Variants in DNAH1 observed in about 807,000 individuals in gnomAD.
The protein encoded by DNAH1 is axonemal beta dynein heavy chain 1.
DNAH1 carries 327 observed loss-of-function variants against 484.3 expected under a neutral mutation model. The observed-to-expected ratio is 0.68, with a 90% CI of 0.62 to 0.74. DNAH1 has a LOEUF of 0.74. Among genes scored for constraint, DNAH1 ranks in the 30% least tolerant of loss-of-function variants. DNAH1 has a pLI of 0.00. For missense variants in DNAH1, 5,052 were observed against 5,546.8 expected (o/e 0.91, Z 2.83); for synonymous variants, 2,192 against 2,191.9 (o/e 1.00, Z 0.00).
In DNAH1 at chr3:52,381,625, C is replaced by T. The variant is rs762591041; in HGVS notation, c.7609-15C>T. ...AGAGAGACCCCGCCTTCCCCATCCT[C>T]GCCTTGGTGCACAGATGATGCAGGT... On this transcript the variant is annotated splice_polypyrimidine_tract_variant and intron_variant, in intron 48 of 77. Coordinates refer to ENST00000420323, the MANE Select transcript of DNAH1 (RefSeq NM_015512.5). This position sits in a 1 kb window ranked among gnomAD's most constrained non-coding sequence, Gnocchi z 4.1. The T allele has an allele frequency of 2.4e-5, 38 of 1,587,890 alleles. No individual in the cohort carries two copies. In the East Asian group the frequency reaches 5.3e-4, roughly 22 times the overall value.
At chr3:52,341,825 G>A (rs1468834174) in intron 8 of DNAH1, among the ~76,000 whole-genome samples, 1 of 152,144 alleles carries the variant, frequency 6.6e-6, no homozygotes, top group Admixed American at 6.5e-5. Flanking sequence ...AGAAGGGAGG[G>A]AGTGGATGTC....
At chr3:52,348,268 C>T (rs1196217641) in intron 12 of DNAH1, among the ~76,000 whole-genome samples, 2 of 152,192 alleles carry the variant, frequency 1.3e-5, no homozygotes, top group Non-Finnish European at 2.9e-5. Context: ...AATAGTTAGC[C>T]TAAGATTGCA....
Position 52,379,885 on chromosome 3 carries a change from C to G in DNAH1, c.7378-20C>G. ...GGGCTTGGGGGCCAAGGACAGGCAC[C>G]GATGCTGGGGCTACTGCAGGACCAA... is the stretch of plus-strand genomic sequence containing the variant. On this transcript the variant is annotated intron_variant, in intron 47 of 77. Coordinates refer to ENST00000420323, the MANE Select transcript of DNAH1 (RefSeq NM_015512.5). This position sits in a 1 kb window ranked among gnomAD's most constrained non-coding sequence, Gnocchi z 4.4. 6.5e-7 allele frequency: 1 copy of G among 1,545,536 alleles called. No individual in the cohort carries two copies.
intron 39 of DNAH1, 24 bp downstream of exon 39, chr3:52,370,253 GA>G: frequency 6.2e-7 from 1 of 1,610,080 alleles, no homozygotes; most frequent in Non-Finnish European, 8.5e-7. Context: ...AGTGGGGCTA[GA>G]TGCACCTGGT....
At chr3:52,332,014 G>T in intron 7 of DNAH1, 128 bp from the exon 8 acceptor site, 5 of 1,211,614 alleles carry the variant, frequency 4.1e-6, no homozygotes, top group Non-Finnish European at 5.7e-6. Flanking sequence ...AGATGCAACA[G>T]GGGGTCAGAA....
chr3:52,331,604 T>G (rs1426243239), intron 7 of DNAH1, among the ~76,000 whole-genome samples: 2 of 150,822 alleles, frequency 1.3e-5, no homozygotes, highest in Non-Finnish European at 1.5e-5. Context: ...TATAACTCCT[T>G]GTCTAAATAC....
chr3:52,388,485 G>A lies in DNAH1; in HGVS notation c.9239G>A (p.Arg3080His), dbSNP rs1179586168. Residue 3080 changes from arginine (R) to histidine (H), a missense_variant, in exon 58 of 78, where the codon CGC becomes CAC. Transcript: ENST00000420323. ...AGGATCCTGGATGAGGCAAAACAGC[G>A]CCTTCGTGAGGTGGAGGACGGCATC... ...TQRILDEAKQ[R>H]LREVEDGIAT... 15 of 1,612,528 alleles carry A rather than the reference G, an allele frequency of 9.3e-6. No homozygotes were observed. The highest frequency in any genetic ancestry group is 1.6e-4 in the Middle Eastern group (1 of 6,082).
At chr3:52,388,077 G>T (rs1704186528) in intron 56 of DNAH1, 90 bp from the exon 57 acceptor site, 2 of 1,494,704 alleles carry the variant, frequency 1.3e-6, no homozygotes, top group East Asian at 2.5e-5. Flanking sequence ...AAAAGCCAGG[G>T]TGTCCCTCAG....
chr3:52,369,681 T>G, intron 37 of DNAH1, 144 bp from the exon 38 acceptor site: 1 of 851,344 alleles, frequency 1.2e-6, no homozygotes, highest in South Asian at 1.8e-5. Flanking sequence ...GCGGTTCCTG[T>G]CCCACCCAGC....
In DNAH1 at chr3:52,357,721, G is replaced by T. The variant is rs1348593847; in HGVS notation, c.3966G>T (p.Arg1322Ser). ...TCAGCGAGTATCTGGAGACCAAGAG[G>T]AGCGCCTTCCCCAGGTGGGCGCCAC... is the stretch of plus-strand genomic sequence containing the variant. ...KGLSEYLETK[R>S]SAFPRFYFLS... is the part of the protein sequence containing the mutation. Residue 1322 changes from arginine (R) to serine (S), a missense_variant, in exon 23 of 78, where the codon AGG becomes AGT. Coordinates refer to ENST00000420323, the MANE Select transcript of DNAH1 (RefSeq NM_015512.5). 4.4e-6 allele frequency: 7 copies of T among 1,579,636 alleles called. No homozygotes were observed. Among genetic ancestry groups the T allele is most frequent in the Non-Finnish European group, 6.0e-6 (7 of 1,162,408 alleles).
chr3:52,332,388 G>A lies in DNAH1; in HGVS notation c.1280G>A (p.Gly427Asp). 1.9e-6 allele frequency: 3 copies of A among 1,612,612 alleles called. No homozygotes were observed. Among genetic ancestry groups the A allele is most frequent in the Non-Finnish European group, 2.5e-6 (3 of 1,179,510 alleles). Reference sequence around the variant, plus strand: ...CTGAGCACGCCTCGGATGCGCAAAGGCCCCTCGTGAGTCCCCGCTCGGCCT... The same window carrying A: ...CTGAGCACGCCTCGGATGCGCAAAGACCCCTCGTGAGTCCCCGCTCGGCCT... ...WALSTPRMRK[G>D]PSVLEHLSSL... The change falls in exon 8 of 78, where the codon GGC becomes GAC. Residue 427 changes from glycine (G) to aspartate (D), a missense_variant. Transcript: ENST00000420323.
chr3:52,362,746 T>C lies in DNAH1; in HGVS notation c.5094+245T>C, dbSNP rs1702915846. Reference sequence around the variant, plus strand: ...TAATGAGACCTGTTCACCCTGGGCCTTCAGGAGAAACAGGAAAACAGGAGC... The same window carrying C: ...TAATGAGACCTGTTCACCCTGGGCCCTCAGGAGAAACAGGAAAACAGGAGC... On this transcript the variant is annotated intron_variant, in intron 31 of 77. Coordinates refer to ENST00000420323, the MANE Select transcript of DNAH1 (RefSeq NM_015512.5). The surrounding 1 kb of genome is among the most constrained non-coding windows in gnomAD (Gnocchi z 5.1). Among the ~76,000 whole-genome samples the C allele has an allele frequency of 6.6e-6, 1 of 152,138 alleles. No individual in the cohort carries two copies. The highest frequency in any genetic ancestry group is 2.1e-4 in the South Asian group (1 of 4,832).
intron 17 of DNAH1, 64 bp downstream of exon 17, chr3:52,352,167 A>G: frequency 1.3e-6 from 2 of 1,535,248 alleles, no homozygotes. Flanking sequence ...ACAGTTCTCC[A>G]GGGCCTGGCC....
intron 76 of DNAH1, 36 bp from the exon 77 acceptor site, chr3:52,399,506 ATTG>A: frequency 6.6e-7 from 1 of 1,525,256 alleles, no homozygotes; most frequent in East Asian, 2.3e-5. Flanking sequence ...GATTCTGGGT[ATTG>A]TTATGTGTGT....
At chr3:52,392,342 C>A in intron 63 of DNAH1, 122 bp from the exon 64 acceptor site, 3 of 878,796 alleles carry the variant, frequency 3.4e-6, no homozygotes, top group Non-Finnish European at 5.3e-6. Context: ...CCTAGGCCAA[C>A]ACTGGCAAGG....
intron 1 of DNAH1, among the ~76,000 whole-genome samples, 163 bp downstream of exon 1, chr3:52,316,708 T>A (rs1700963087): frequency 6.6e-6 from 1 of 152,124 alleles, no homozygotes; most frequent in African/African-American, 2.4e-5. Flanking sequence ...TCAATACACT[T>A]TATGGTGGGG....
At chr3:52,319,770 A>G (rs1434993648) in intron 1 of DNAH1, among the ~76,000 whole-genome samples, 4 of 152,214 alleles carry the variant, frequency 2.6e-5, no homozygotes, top group Non-Finnish European at 5.9e-5. Context: ...GCACAGGTGC[A>G]CAGAGTTGGG....
At position 52,395,937 on chromosome 3, in the gene DNAH1, CCTTT is replaced by C. The variant is rs1000419636; in HGVS notation, c.11259+260_11259+263del. 4.0e-5 allele frequency among the ~76,000 whole-genome samples: 6 copies of C among 150,864 alleles called. No homozygotes were observed. The highest frequency in any genetic ancestry group is 1.2e-4 in the African/African-American group (5 of 40,850). The stretch of plus-strand genomic sequence containing the variant: ...ACCGTGACCTGGGACTTGCCAAAGC[CCTTT>C]TTTTTTTTTTTTTTTCAGACGGAGT... On this transcript the variant is annotated intron_variant, in intron 70 of 77. Transcript: ENST00000420323. The surrounding 1 kb of genome is among the most constrained non-coding windows in gnomAD (Gnocchi z 4.4).
In DNAH1 at chr3:52,381,917, G is replaced by A; in HGVS notation, c.7805+81G>A. The A allele has an allele frequency of 3.5e-6, 5 of 1,443,236 alleles. No individual in the cohort carries two copies. The highest frequency in any genetic ancestry group is 3.7e-6 in the Non-Finnish European group (4 of 1,078,956). The allele number at this position is 1,443,236 out of a possible 1,614,324, so 89.4% of individuals were successfully genotyped here. A position where few individuals can be genotyped will look rare whatever the true frequency, so the allele number is the denominator to read the frequency against. On this transcript the variant is annotated intron_variant, in intron 49 of 77. Coordinates refer to ENST00000420323, the MANE Select transcript of DNAH1 (RefSeq NM_015512.5). The surrounding 1 kb of genome is among the most constrained non-coding windows in gnomAD (Gnocchi z 4.1). ...TGACTGACCCATGCTTTTGCACAGT[G>A]GTAGAGGCCTCGGGCAACCCTGAAG...
Sources: gnomAD v4.1 joint callset for allele counts (sites outside exome capture counted in the v4.1 genomes callset) on GRCh38, gnomAD v4.1.1 for gene constraint, Gnocchi (gnomAD v3.1) non-coding constraint, MANE v1.5 for transcripts, NCBI Gene and HGNC (gene_info 2026-07-23, HGNC 2026-07-21) for gene names.